Variants in ZNF277 observed in about 807,000 individuals in gnomAD.
The protein encoded by ZNF277 is nuclear receptor-interacting factor 4.
Under a neutral mutation model 60.7 loss-of-function variants are expected in ZNF277, and 55 were observed. The ratio of observed to expected loss-of-function variants is 0.91; its 90% CI spans 0.73 to 1.13. The LOEUF (loss-of-function observed/expected upper bound fraction) is 1.13, where lower values mean the gene tolerates loss of function less well. Among genes scored for constraint, ZNF277 ranks in the 50% most tolerant of loss-of-function variants. The probability of loss-of-function intolerance (pLI) is 0.00; values close to 1 mark genes in which losing one functional copy is unlikely to be tolerated. For synonymous variants in ZNF277, 178 were observed against 179.3 expected, an observed-to-expected ratio of 0.99 and a Z score of 0.06; for missense variants, 510 against 523.0, an observed-to-expected ratio of 0.98 and a Z score of 0.24.
chr7:112,252,232 G>T (rs1002859954), intron 1 of ZNF277, among the ~76,000 whole-genome samples: 1 of 152,048 alleles, frequency 6.6e-6, no homozygotes. Context: ...ATTTCCTTTG[G>T]ATTACAACTA....
At chr7:112,323,978 A>T (rs565518856) in intron 5 of ZNF277, among the ~76,000 whole-genome samples, 1 of 152,228 alleles carries the variant, frequency 6.6e-6, no homozygotes, top group Non-Finnish European at 1.5e-5. Context: ...AAGGAAAAGT[A>T]CATGAAATAA....
At chr7:112,207,226 C>G (rs1029266040) in intron 1 of ZNF277, among the ~76,000 whole-genome samples, 10 of 152,194 alleles carry the variant, frequency 6.6e-5, no homozygotes, top group African/African-American at 2.2e-4. Flanking sequence ...TTGGTTTGAC[C>G]TCGCAGGTGT....
rs557147408 is a variant in ZNF277 at position 112,316,432 on chromosome 7, G to A, written c.466-1750G>A. ...TTGTTTGTTTTTTTCTTGTAAATTTGTGTAAGTTCCTTGTAGATTCTGGAT... is the reference window on the plus strand; with the variant it reads ...TTGTTTGTTTTTTTCTTGTAAATTTATGTAAGTTCCTTGTAGATTCTGGAT... On this transcript the variant is annotated intron_variant, in intron 4 of 11. Transcript: ENST00000361822. 7.2e-5 allele frequency among the ~76,000 whole-genome samples: 11 copies of A among 151,844 alleles called. No homozygotes were observed. In the South Asian group the frequency reaches 2.3e-3, roughly 32 times the overall value.
chr7:112,341,752 C>T, intron 11 of ZNF277, among the ~76,000 whole-genome samples: 1 of 152,174 alleles, frequency 6.6e-6, no homozygotes, highest in East Asian at 1.9e-4. Flanking sequence ...TCGAGGGCTC[C>T]TCTGAGAGAC....
At chr7:112,298,591 A>G (rs1459806496) in intron 4 of ZNF277, among the ~76,000 whole-genome samples, 2 of 152,194 alleles carry the variant, frequency 1.3e-5, no homozygotes, top group Non-Finnish European at 2.9e-5. Flanking sequence ...TCCATCAGTG[A>G]CATGAAGAAA....
At chr7:112,312,185 C>G (rs529902847) in intron 4 of ZNF277, among the ~76,000 whole-genome samples, 9 of 152,130 alleles carry the variant, frequency 5.9e-5, no homozygotes, top group African/African-American at 2.2e-4. Flanking sequence ...TCCTATCAGT[C>G]ATTCATATAC....
chr7:112,217,180 C>T (rs1418268305), intron 1 of ZNF277, among the ~76,000 whole-genome samples: 2 of 152,114 alleles, frequency 1.3e-5, no homozygotes, highest in Admixed American at 1.3e-4. Flanking sequence ...TGCTGGGGAA[C>T]ATTAGAGTGA....
chr7:112,264,035 GA>G (rs1483526865), intron 1 of ZNF277, among the ~76,000 whole-genome samples: 2 of 151,994 alleles, frequency 1.3e-5, no homozygotes, highest in Admixed American at 6.6e-5. Flanking sequence ...CAGCGCCTTA[GA>G]AAACAAAATG....
intron 1 of ZNF277, among the ~76,000 whole-genome samples, chr7:112,235,893 G>A (rs1156577209): frequency 6.6e-6 from 1 of 151,792 alleles, no homozygotes; most frequent in African/African-American, 2.4e-5. Context: ...TGTCCCAAGA[G>A]TTTTATAGTT....
At chr7:112,237,991 G>A (rs1790846509) in intron 1 of ZNF277, among the ~76,000 whole-genome samples, 1 of 152,066 alleles carries the variant, frequency 6.6e-6, no homozygotes, top group East Asian at 1.9e-4. Context: ...ACCTGCAGAG[G>A]AGGCTGAGGA....
rs192636049 is a variant in ZNF277, at chr7:112,310,580, T to C, written c.466-7602T>C. 5.7e-4 allele frequency among the ~76,000 whole-genome samples: 87 copies of C among 152,214 alleles called. 2 individuals are homozygous for C. Among genetic ancestry groups the C allele is most frequent in the African/African-American group, 2.0e-3 (84 of 41,536 alleles). ...CCCATTTCTATGCTACATTGTTCTGTAGCAGCTTGAAACATTTATTAGAAC... is the reference window on the plus strand; with the variant it reads ...CCCATTTCTATGCTACATTGTTCTGCAGCAGCTTGAAACATTTATTAGAAC... On this transcript the variant is annotated intron_variant, in intron 4 of 11. Coordinates refer to ENST00000361822, the MANE Select transcript of ZNF277 (RefSeq NM_021994.3).
chr7:112,263,219 T>C (rs1335555771), intron 1 of ZNF277, among the ~76,000 whole-genome samples: 1 of 152,186 alleles, frequency 6.6e-6, no homozygotes, highest in East Asian at 1.9e-4. Context: ...TTGAGGGTTT[T>C]GAGACTAGTA....
In ZNF277 at chr7:112,208,674, A is replaced by ATTTTTTTTTTTTTTTTTTTTTTTTTTTTT. The variant is rs869082099; in HGVS notation, c.91+1891_91+1892insTTTTTTTTTTTTTTTTTTTTTTTTTTTTT. On this transcript the variant is annotated intron_variant, in intron 1 of 11. Coordinates refer to ENST00000361822, the MANE Select transcript of ZNF277 (RefSeq NM_021994.3). ...ATATGACACACGTCTGTATGATTTGATTTTTTTTTTTTTTTTTTTTTTTTG... is the reference window on the plus strand; with the variant it reads ...ATATGACACACGTCTGTATGATTTGATTTTTTTTTTTTTTTTTTTTTTTTTTTTTTTTTTTTTTTTTTTTTTTTTTTTTG... Among the ~76,000 whole-genome samples, 8 of 72,808 alleles carry ATTTTTTTTTTTTTTTTTTTTTTTTTTTTT rather than the reference A, an allele frequency of 1.1e-4. 1 individual carries two copies. The highest frequency in any genetic ancestry group is 1.3e-3 in the South Asian group (2 of 1,580). 47.8% of individuals were successfully genotyped at this position (72,808 alleles called of 152,430 possible).
At chr7:112,241,774 C>T (rs531808884) in intron 1 of ZNF277, among the ~76,000 whole-genome samples, 1 of 152,176 alleles carries the variant, frequency 6.6e-6, no homozygotes, top group South Asian at 2.1e-4. Context: ...CACATGTTCT[C>T]ACTCATTTGT....
intron 1 of ZNF277, among the ~76,000 whole-genome samples, chr7:112,247,653 T>C (rs965881760): frequency 6.6e-6 from 1 of 152,080 alleles, no homozygotes; most frequent in Non-Finnish European, 1.5e-5. Context: ...TAATTTAGAA[T>C]TAGAGAGTCT....
chr7:112,213,799 C>T (rs1587079013), intron 1 of ZNF277, among the ~76,000 whole-genome samples: 1 of 152,118 alleles, frequency 6.6e-6, no homozygotes. Flanking sequence ...CATAGAAAGG[C>T]AGTATGGAAT....
chr7:112,342,099 A>C (rs1276705937), intron 11 of ZNF277, among the ~76,000 whole-genome samples: 1 of 152,170 alleles, frequency 6.6e-6, no homozygotes, highest in Non-Finnish European at 1.5e-5. Flanking sequence ...TGTGTTTGAA[A>C]AATTAACTAT....
At chr7:112,328,091 C>G (rs1793140771) in intron 6 of ZNF277, 1 of 240,220 alleles carries the variant, frequency 4.2e-6, no homozygotes, top group East Asian at 9.9e-5. Context: ...GAAGAATATA[C>G]TCACTGTCTA....
chr7:112,214,949 A>C (rs1271760563), intron 1 of ZNF277, among the ~76,000 whole-genome samples: 1 of 152,104 alleles, frequency 6.6e-6, no homozygotes, highest in Non-Finnish European at 1.5e-5. Flanking sequence ...TCTGAGCCTC[A>C]GTTTCATCAG....
Sources: allele counts gnomAD v4.1 joint callset (sites outside exome capture counted in the v4.1 genomes callset), GRCh38; gene constraint gnomAD v4.1.1; transcripts MANE v1.5; gene names NCBI Gene and HGNC (gene_info 2026-07-23, HGNC 2026-07-21).